Variants in GRID1 observed in about 807,000 individuals in gnomAD.
GRID1 encodes the protein glutamate receptor ionotropic, delta-1.
A neutral mutation model predicts 98.0 loss-of-function variants in GRID1; 28 were observed. That is an observed-to-expected ratio of 0.29 (90% CI 0.21 to 0.39). The LOEUF is 0.39. Among genes scored for constraint, GRID1 ranks in the 10% least tolerant of loss-of-function variants. The pLI, the probability that GRID1 is intolerant of heterozygous loss-of-function variation, is 1.00. For missense variants in GRID1, 1,111 were observed against 1,340.5 expected (o/e 0.83, Z 2.67); for synonymous variants, 553 against 538.5 (o/e 1.03, Z -0.37).
intron 12 of GRID1, among the ~76,000 whole-genome samples, chr10:85,695,855 A>G (rs1038055575): frequency 6.6e-6 from 1 of 152,154 alleles, no homozygotes; most frequent in African/African-American, 2.4e-5. Flanking sequence ...GGAGCACAAA[A>G]TACATGAATT....
chr10:86,182,132 G>A (rs1178411868), intron 3 of GRID1, among the ~76,000 whole-genome samples: 2 of 152,306 alleles, frequency 1.3e-5, no homozygotes, highest in South Asian at 2.1e-4. Flanking sequence ...CTGTGTGCTC[G>A]CCCTTCCATT....
At position 85,653,462 on chromosome 10, in the gene GRID1, G is replaced by A. The variant is rs184801013; in HGVS notation, c.1998-6065C>T. 4.9e-3 allele frequency among the ~76,000 whole-genome samples: 743 copies of A among 152,304 alleles called. 7 individuals are homozygous for A. Among genetic ancestry groups the A allele is most frequent in the African/African-American group, 0.017 (716 of 41,568 alleles). ...GCTGGGGCTGTCCTGCCAAGGAGCT[G>A]AGACAGGGTGGCCAAGGAGCCAGCT... is the stretch of plus-strand genomic sequence containing the variant. On this transcript the variant is annotated intron_variant, in intron 12 of 15. Coordinates refer to ENST00000327946, the MANE Select transcript of GRID1 (RefSeq NM_017551.3).
chr10:85,707,436 T>A (rs1398453554), intron 12 of GRID1, among the ~76,000 whole-genome samples: 1 of 152,138 alleles, frequency 6.6e-6, no homozygotes, highest in Admixed American at 6.5e-5. Context: ...CCAGTTAGAA[T>A]GGCAATCATT....
chr10:85,603,911 TAAG>T (rs149632675), intron 15 of GRID1, among the ~76,000 whole-genome samples: 3,533 of 152,128 alleles, frequency 0.023, 68 homozygotes, highest in Non-Finnish European at 0.036. Context: ...TTAGAAATAT[TAAG>T]AAATGTAGAA....
chr10:86,247,207 G>GA (rs1341256687), intron 2 of GRID1, among the ~76,000 whole-genome samples: 2 of 151,836 alleles, frequency 1.3e-5, no homozygotes, highest in Non-Finnish European at 2.9e-5. Context: ...GTGGGTAGAT[G>GA]AATAGATGGG....
At chr10:85,779,684 T>C (rs1419786982) in intron 8 of GRID1, among the ~76,000 whole-genome samples, 1 of 152,106 alleles carries the variant, frequency 6.6e-6, no homozygotes, top group Non-Finnish European at 1.5e-5. Context: ...GTTAATTACA[T>C]CATCTAAAGA....
intron 8 of GRID1, among the ~76,000 whole-genome samples, chr10:85,822,484 T>G (rs927702589): frequency 6.6e-6 from 1 of 151,998 alleles, no homozygotes; most frequent in Admixed American, 6.5e-5. Context: ...AAAACCACAA[T>G]GAGATACCAT....
At chr10:86,297,617 A>G (rs1364183964) in intron 2 of GRID1, among the ~76,000 whole-genome samples, 1 of 152,232 alleles carries the variant, frequency 6.6e-6, no homozygotes, top group Non-Finnish European at 1.5e-5. Context: ...TAATTCAACA[A>G]TATAAAAAGT....
chr10:85,775,304 C>T (rs1842319173), intron 8 of GRID1, among the ~76,000 whole-genome samples: 1 of 129,110 alleles, frequency 7.7e-6, no homozygotes, highest in African/African-American at 3.0e-5. Context: ...GGAAGGGGAA[C>T]ATCACACTGT....
intron 8 of GRID1, among the ~76,000 whole-genome samples, chr10:85,777,544 C>T (rs1401093610): frequency 6.6e-6 from 1 of 152,208 alleles, no homozygotes; most frequent in Non-Finnish European, 1.5e-5. Context: ...GACTGGAGAC[C>T]CATGTCATAT....
chr10:86,106,593 A>C (rs1227595287), intron 4 of GRID1, among the ~76,000 whole-genome samples: 1 of 151,824 alleles, frequency 6.6e-6, no homozygotes, highest in African/African-American at 2.4e-5. Flanking sequence ...AGGTGCGGGG[A>C]TGGGAGGAGG....
chr10:86,223,595 G>T (rs1353489117), intron 2 of GRID1, among the ~76,000 whole-genome samples: 1 of 152,178 alleles, frequency 6.6e-6, no homozygotes, highest in Non-Finnish European at 1.5e-5. Context: ...AGTTCTGGAG[G>T]TATGGGGAGG....
intron 4 of GRID1, among the ~76,000 whole-genome samples, chr10:86,087,365 G>A (rs1426155349): frequency 1.4e-5 from 2 of 147,854 alleles, no homozygotes; most frequent in East Asian, 2.0e-4. Flanking sequence ...GTGTGTGTGT[G>A]TGTTGTGAGT....
At chr10:85,942,901 T>C (rs1386160592) in intron 4 of GRID1, among the ~76,000 whole-genome samples, 1 of 152,234 alleles carries the variant, frequency 6.6e-6, no homozygotes, top group Admixed American at 6.5e-5. Flanking sequence ...AGCTTAGTAA[T>C]AGTATGACAG....
intron 4 of GRID1, among the ~76,000 whole-genome samples, chr10:86,090,317 T>G (rs2131937800): frequency 6.6e-6 from 1 of 151,570 alleles, no homozygotes; most frequent in South Asian, 2.1e-4. Flanking sequence ...TCCCAGCTAC[T>G]TGGGAGAACT....
intron 5 of GRID1, among the ~76,000 whole-genome samples, chr10:85,882,463 T>G: frequency 6.6e-6 from 1 of 152,074 alleles, no homozygotes; most frequent in African/African-American, 2.4e-5. Flanking sequence ...TGAGTTCATG[T>G]CCTTTGTAGG....
chr10:86,330,574 G>A lies in GRID1; in HGVS notation c.235+33367C>T, dbSNP rs376829070. On this transcript the variant is annotated intron_variant, in intron 2 of 15. Transcript: ENST00000327946. ...AGCACCGGGAACAGCATCTCACCCC[G>A]TTCTTGCCCCAACCACAGGCTGCCA... Among the ~76,000 whole-genome samples, 4 of 152,138 alleles carry A rather than the reference G, an allele frequency of 2.6e-5. No homozygotes were observed. The South Asian group carries it at 6.2e-4, about 24-fold the overall frequency.
intron 2 of GRID1, among the ~76,000 whole-genome samples, chr10:86,341,465 T>C (rs1337033090): frequency 6.6e-6 from 1 of 152,062 alleles, no homozygotes; most frequent in East Asian, 1.9e-4. Context: ...ACCAAGGACC[T>C]TAAAGGTGGC....
chr10:85,895,548 C>T (rs866479959), intron 5 of GRID1, among the ~76,000 whole-genome samples: 2 of 152,250 alleles, frequency 1.3e-5, no homozygotes, highest in Middle Eastern at 3.4e-3. Context: ...CACAAGCCAT[C>T]ACCACATTTC....
Sources: gnomAD v4.1 joint callset for allele counts (sites outside exome capture counted in the v4.1 genomes callset) on GRCh38, gnomAD v4.1.1 for gene constraint, MANE v1.5 for transcripts, NCBI Gene and HGNC (gene_info 2026-07-23, HGNC 2026-07-21) for gene names.